The following NCALD variants were observed in gnomAD, a reference collection of about 807,000 sequenced individuals.
NCALD encodes neurocalcin-delta.
Under a neutral mutation model 18.6 loss-of-function variants are expected in NCALD, and 10 were observed. That is an observed-to-expected ratio of 0.54 (90% CI 0.33 to 0.91). The LOEUF (loss-of-function observed/expected upper bound fraction) is 0.91. Among genes scored for constraint, NCALD ranks in the 40% least tolerant of loss-of-function variants. NCALD has a pLI of 0.03. For synonymous variants in NCALD, 88 were observed against 87.4 expected (o/e 1.01, Z -0.04); for missense variants, 184 against 247.6 (o/e 0.74, Z 1.72).
At chr8:102,001,751 C>T (rs1355707982) in intron 2 of NCALD, among the ~76,000 whole-genome samples, 1 of 152,136 alleles carries the variant, frequency 6.6e-6, no homozygotes, top group Non-Finnish European at 1.5e-5. Flanking sequence ...AATTTTCAAC[C>T]CAGAATTTCA....
chr8:101,715,430 A>G (rs1200205930), intron 2 of NCALD, among the ~76,000 whole-genome samples: 2 of 152,188 alleles, frequency 1.3e-5, no homozygotes, highest in African/African-American at 4.8e-5. Flanking sequence ...CAAAGACTTC[A>G]TGACTAAAAC....
intron 4 of NCALD, among the ~76,000 whole-genome samples, chr8:101,885,469 C>T (rs1816642479): frequency 6.6e-6 from 1 of 152,196 alleles, no homozygotes; most frequent in African/African-American, 2.4e-5. Flanking sequence ...CATCCTCTTC[C>T]CTGCCTTGCC....
At chr8:101,691,204 A>G in intron 3 of NCALD, 41 of 985,382 alleles carry the variant, frequency 4.2e-5, no homozygotes, top group Non-Finnish European at 4.8e-5. Context: ...TTCCTCTGAC[A>G]GCTGTGAACT....
chr8:101,704,902 A>G (rs775747950), intron 2 of NCALD, among the ~76,000 whole-genome samples: 13 of 148,648 alleles, frequency 8.7e-5, no homozygotes, highest in Admixed American at 5.4e-4. Flanking sequence ...CTAGGCGACA[A>G]GAGCGAAAAC....
chr8:101,764,328 GA>G (rs1396061633), intron 1 of NCALD, among the ~76,000 whole-genome samples: 2 of 152,208 alleles, frequency 1.3e-5, no homozygotes, highest in African/African-American at 4.8e-5. Flanking sequence ...AGGAAGCCAA[GA>G]AAGTGTGGTG....
chr8:101,696,641 G>A (rs925077149), intron 2 of NCALD, among the ~76,000 whole-genome samples: 2 of 152,162 alleles, frequency 1.3e-5, no homozygotes, highest in Non-Finnish European at 2.9e-5. Flanking sequence ...TCTCCAACGA[G>A]CAACAAAAGA....
At chr8:101,920,588 AC>A (rs1248240825) in intron 2 of NCALD, among the ~76,000 whole-genome samples, 4 of 152,228 alleles carry the variant, frequency 2.6e-5, no homozygotes, top group African/African-American at 9.6e-5. Context: ...CAACATGGAT[AC>A]AGCTGGAGTC....
At chr8:101,877,731 T>C (rs1816286976) in intron 4 of NCALD, among the ~76,000 whole-genome samples, 1 of 152,170 alleles carries the variant, frequency 6.6e-6, no homozygotes, top group Admixed American at 6.5e-5. Context: ...TGAATGTCTT[T>C]TTGCCCCTTT....
chr8:101,813,708 C>T (rs902046361), intron 4 of NCALD, among the ~76,000 whole-genome samples: 1 of 152,090 alleles, frequency 6.6e-6, no homozygotes, highest in East Asian at 1.9e-4. Context: ...AATGACATCA[C>T]ATCATCACCC....
At chr8:102,002,154 T>C (rs1044340462) in intron 2 of NCALD, among the ~76,000 whole-genome samples, 2 of 152,050 alleles carry the variant, frequency 1.3e-5, no homozygotes, top group Non-Finnish European at 2.9e-5. Flanking sequence ...AAGACACACA[T>C]AGGCTCAAAA....
intron 2 of NCALD, among the ~76,000 whole-genome samples, chr8:101,999,977 T>C (rs1469525836): frequency 3.9e-5 from 6 of 152,086 alleles, no homozygotes; most frequent in African/African-American, 1.4e-4. Context: ...AGACGAACGA[T>C]TTCTGCAGTT....
intron 2 of NCALD, among the ~76,000 whole-genome samples, chr8:101,975,494 T>C (rs1044626420): frequency 2.6e-5 from 4 of 152,198 alleles, no homozygotes; most frequent in Non-Finnish European, 5.9e-5. Context: ...AAGAAAAGCC[T>C]ACAGAAACGG....
intron 2 of NCALD, among the ~76,000 whole-genome samples, chr8:101,932,257 C>G (rs1332869405): frequency 1.3e-5 from 2 of 152,130 alleles, no homozygotes; most frequent in African/African-American, 4.8e-5. Flanking sequence ...AGGAGTAAAG[C>G]CCCTGAGGAC....
intron 4 of NCALD, among the ~76,000 whole-genome samples, chr8:101,871,583 CTT>C (rs3056946): frequency 8.8e-4 from 122 of 138,700 alleles, no homozygotes; most frequent in Admixed American, 1.2e-3. Flanking sequence ...TTCAGATTTT[CTT>C]TTTTTTTTTT....
upstream of NCALD, among the ~76,000 whole-genome samples, chr8:101,793,018 C>T (rs1380778815): frequency 6.6e-6 from 1 of 152,040 alleles, no homozygotes; most frequent in African/African-American, 2.4e-5. Flanking sequence ...CTTTATACTG[C>T]CTTGGGCAGT....
intron 2 of NCALD, chr8:101,975,346 G>C (rs886927472): frequency 6.6e-6 from 1 of 152,178 alleles, no homozygotes; most frequent in Admixed American, 6.5e-5. Context: ...ATCACCTGGA[G>C]AGCTGTTGAA....
chr8:101,949,595 C>T (rs1819310630), intron 2 of NCALD, among the ~76,000 whole-genome samples: 1 of 152,122 alleles, frequency 6.6e-6, no homozygotes, highest in Non-Finnish European at 1.5e-5. Context: ...TTGAAAGACA[C>T]TAAACAGCTG....
chr8:101,895,531 A>T (rs1301818219), intron 3 of NCALD, among the ~76,000 whole-genome samples: 1 of 150,956 alleles, frequency 6.6e-6, no homozygotes, highest in Non-Finnish European at 1.5e-5. Context: ...AGGCAGGAGA[A>T]GGAAATAAAG....
At chr8:101,965,550 T>C (rs962355549) in intron 2 of NCALD, among the ~76,000 whole-genome samples, 6 of 151,926 alleles carry the variant, frequency 3.9e-5, no homozygotes, top group African/African-American at 1.5e-4. Context: ...CACTCATAAG[T>C]GGGAGTTGAA....
Sources: gnomAD v4.1 joint callset for allele counts (sites outside exome capture counted in the v4.1 genomes callset) on GRCh38, gnomAD v4.1.1 for gene constraint, MANE v1.5 for transcripts, NCBI Gene and HGNC (gene_info 2026-07-23, HGNC 2026-07-21) for gene names.